Variants in VPS39 observed in about 807,000 individuals in gnomAD.
The protein encoded by VPS39 is VPS39 subunit of HOPS complex, also known as vam6/Vps39-like protein.
In VPS39, 70 loss-of-function variants were observed where a neutral mutation model predicts 121.0. The ratio of observed to expected loss-of-function variants is 0.58; its 90% CI spans 0.48 to 0.71. The LOEUF (loss-of-function observed/expected upper bound fraction) is 0.71, where lower values mean the gene tolerates loss of function less well. Ranked by LOEUF, VPS39 falls within the 30% of genes least tolerant of loss-of-function variation. VPS39 has a pLI of 0.00. For synonymous variants in VPS39, 378 were observed against 398.1 expected (o/e 0.95, Z 0.60); for missense variants, 818 against 1,051.5 (o/e 0.78, Z 3.07).
In VPS39 at chr15:42,178,311, A is replaced by G. The variant is rs759318510; in HGVS notation, c.867T>C (p.Asn289=). 6.2e-7 allele frequency: 1 copy of G among 1,614,192 alleles called. No homozygotes were observed. Among genetic ancestry groups the G allele is most frequent in the African/African-American group, 1.3e-5 (1 of 75,040 alleles). The stretch of plus-strand genomic sequence containing the variant: ...CAGGGATGAGTCTCCAAACAAAATG[A>G]TTGCTGGCCACATAGATAATGTTTG... The part of the protein sequence containing the change: ...GGSNIIYVAS[N]HFVWRLIPVP... The change falls in exon 10 of 25, where the codon AAT becomes AAC. Residue 289 remains asparagine, a synonymous_variant. Coordinates refer to ENST00000318006, the MANE Select transcript of VPS39 (RefSeq NM_015289.5).
intron 1 of VPS39, among the ~76,000 whole-genome samples, chr15:42,201,708 T>A (rs1372550532): frequency 2.6e-5 from 4 of 152,142 alleles, no homozygotes; most frequent in African/African-American, 9.7e-5. Flanking sequence ...AAAAAGAGGC[T>A]CAGAAAGAGT....
chr15:42,174,209 T>G (rs1318265833), intron 10 of VPS39, among the ~76,000 whole-genome samples: 1 of 151,880 alleles, frequency 6.6e-6, no homozygotes, highest in Admixed American at 6.6e-5. Flanking sequence ...ATCATGCCAC[T>G]GCACTCCAGC....
chr15:42,164,641 T>A, intron 18 of VPS39, 155 bp from the exon 19 acceptor site: 2 of 1,441,354 alleles, frequency 1.4e-6, no homozygotes, highest in Non-Finnish European at 1.8e-6. Flanking sequence ...TAGTTCATAG[T>A]CTCCATGTGG....
chr15:42,208,029 C>T (rs1450343151), intron 1 of VPS39, 52 bp downstream of exon 1: 5 of 1,545,986 alleles, frequency 3.2e-6, no homozygotes, highest in East Asian at 2.4e-5. Flanking sequence ...CAGAAAAGAT[C>T]CGGACCGCTC....
At chr15:42,202,841 G>C (rs989436800) in intron 1 of VPS39, among the ~76,000 whole-genome samples, 1 of 152,022 alleles carries the variant, frequency 6.6e-6, no homozygotes, top group African/African-American at 2.4e-5. Context: ...GCATTCTCTC[G>C]CATTTGCTGT....
chr15:42,191,137 C>T lies in VPS39; in HGVS notation c.235G>A (p.Val79Ile). ...IHVVSQFKIL[V>I]SLLENNIYVH... The stretch of plus-strand genomic sequence containing the variant: ...CTCCTTTTCTTACCTAACAAGCTGA[C>T]CAGAATCTTAAACTGGGAAACCACA... The change falls in exon 4 of 25, where the codon GTC (valine) becomes ATC (isoleucine). Residue 79 changes from valine (V) to isoleucine (I), a missense_variant. Physicochemically the swap from Val to Ile is conservative, Grantham distance 29. Coordinates refer to ENST00000318006, the MANE Select transcript of VPS39 (RefSeq NM_015289.5). The T allele has an allele frequency of 6.2e-7, 1 of 1,614,060 alleles. No individual in the cohort carries two copies. Among genetic ancestry groups the T allele is most frequent in the Non-Finnish European group, 8.5e-7 (1 of 1,179,972 alleles).
chr15:42,166,914 C>G lies in VPS39; in HGVS notation c.1378-1G>C. 1.2e-6 allele frequency: 2 copies of G among 1,614,182 alleles called. No individual in the cohort carries two copies. The highest frequency in any genetic ancestry group is 1.7e-6 in the Non-Finnish European group (2 of 1,180,038). On this transcript the variant is annotated splice_acceptor_variant, in intron 13 of 24. Transcript: ENST00000318006. LOFTEE classifies it high-confidence loss of function. ...AGGGGGCCACCAGGGCCACATTTGT[C>G]TGCAGAAAGAGCAGGAGTTCAGTGG...
chr15:42,170,105 A>T (rs1357812862), intron 11 of VPS39, among the ~76,000 whole-genome samples: 1 of 152,200 alleles, frequency 6.6e-6, no homozygotes, highest in Non-Finnish European at 1.5e-5. Context: ...ACACACACAT[A>T]ATTAGAATTG....
chr15:42,165,558 G>C, intron 17 of VPS39, 160 bp downstream of exon 17: 1 of 576,868 alleles, frequency 1.7e-6, no homozygotes, highest in East Asian at 2.9e-5. Context: ...TTTCCAGCTT[G>C]GTCTACTGGG....
In VPS39 at chr15:42,178,569, C is replaced by A. The variant is rs2049507133; in HGVS notation, c.720G>T (p.Glu240Asp). 3.1e-6 allele frequency: 5 copies of A among 1,614,102 alleles called. No homozygotes were observed. Among genetic ancestry groups the A allele is most frequent in the Non-Finnish European group, 4.2e-6 (5 of 1,180,014 alleles). Residue 240 changes from glutamate (E) to aspartate (D), a missense_variant and splice_region_variant, in exon 9 of 25, where the codon GAG (glutamate) becomes GAT (aspartate). Transcript: ENST00000318006. Reference sequence around the variant, plus strand: ...CTGCAATGATGTAGGGAGGCTGGTGCTCTGTGAAAGAGAACATACACAGCA... The same window carrying A: ...CTGCAATGATGTAGGGAGGCTGGTGATCTGTGAAAGAGAACATACACAGCA... Reference protein sequence around the residue: ...LNWTDIPVAMEHQPPYIIAVL... With the variant: ...LNWTDIPVAMDHQPPYIIAVL...
At chr15:42,164,522 T>TG in intron 18 of VPS39, 36 bp from the exon 19 acceptor site, 1 of 1,611,434 alleles carries the variant, frequency 6.2e-7, no homozygotes, top group Non-Finnish European at 8.5e-7. Flanking sequence ...GAAAGGACAC[T>TG]GCCAGGTGGC....
At position 42,173,831 on chromosome 15, in the gene VPS39, T is replaced by G. The variant is rs774631290; in HGVS notation, c.982A>C (p.Ser328Arg). The G allele has an allele frequency of 1.2e-6, 2 of 1,614,212 alleles. No homozygotes were observed. The highest frequency in any genetic ancestry group is 8.5e-7 in the Non-Finnish European group (1 of 1,180,010). Residue 328 changes from serine (S) to arginine (R), a missense_variant, in exon 11 of 25, where the codon AGT (serine) becomes CGT (arginine). Physicochemically the swap from Ser to Arg is moderately radical, Grantham distance 110. Transcript: ENST00000318006. ...QLAEMKDDSD[S>R]EKQQQIHHIK... ...TGATGAATTTGTTGCTGCTTTTCAC[T>G]GTCAGAATCATCTTTCATTTCCTAA...
chr15:42,189,088 C>A (rs2049766639), intron 5 of VPS39, 26 bp downstream of exon 5: 1 of 1,577,742 alleles, frequency 6.3e-7, no homozygotes, highest in Admixed American at 1.7e-5. Context: ...AAGCATAAAG[C>A]CAAATTTCAT....
intron 10 of VPS39, among the ~76,000 whole-genome samples, chr15:42,174,486 G>A (rs926744279): frequency 2.6e-5 from 4 of 152,184 alleles, no homozygotes; most frequent in African/African-American, 9.7e-5. Flanking sequence ...AATGCAATCT[G>A]ATTTCTGGAT....
intron 4 of VPS39, 50 bp downstream of exon 4, chr15:42,191,075 C>G (rs1352905277): frequency 6.3e-7 from 1 of 1,593,026 alleles, no homozygotes; most frequent in Non-Finnish European, 8.6e-7. Context: ...TTAATTAGGT[C>G]ATATCTTTTC....
At chr15:42,197,933 C>A (rs1249266168) in intron 2 of VPS39, among the ~76,000 whole-genome samples, 1 of 152,134 alleles carries the variant, frequency 6.6e-6, no homozygotes, top group Non-Finnish European at 1.5e-5. Flanking sequence ...AACTGTTCAC[C>A]AAGAGTATAG....
At chr15:42,183,620 T>C (rs670329) in intron 8 of VPS39, among the ~76,000 whole-genome samples, 6,309 of 152,272 alleles carry the variant, frequency 0.041, 309 homozygotes, top group Admixed American at 0.099. Context: ...ATGGAAATTT[T>C]TCTTCAAGCC....
intron 1 of VPS39, among the ~76,000 whole-genome samples, chr15:42,204,315 C>T (rs1021065904): frequency 6.6e-6 from 1 of 152,212 alleles, no homozygotes; most frequent in Non-Finnish European, 1.5e-5. Flanking sequence ...GATTCAGATT[C>T]AATGGCTTTG....
In VPS39 at chr15:42,160,146, C is replaced by G. The variant is rs2049100374; in HGVS notation, c.*608G>C. The G allele has an allele frequency of 6.5e-6, 1 of 152,814 alleles. No individual in the cohort carries two copies. The highest frequency in any genetic ancestry group is 2.4e-5 in the African/African-American group (1 of 41,442). 9.5% of individuals were successfully genotyped at this position (152,814 alleles called of 1,614,324 possible). ...CTTAAATATTAGTTATTCCCAGAGT[C>G]AGGGAAGTGGGAGAGAAAGCCTGGG... On this transcript the variant is annotated 3_prime_UTR_variant, in exon 25 of 25. Coordinates refer to ENST00000318006, the MANE Select transcript of VPS39 (RefSeq NM_015289.5).
Sources: allele counts gnomAD v4.1 joint callset (sites outside exome capture counted in the v4.1 genomes callset), GRCh38; gene constraint gnomAD v4.1.1; transcripts MANE v1.5; gene names NCBI Gene and HGNC (gene_info 2026-07-23, HGNC 2026-07-21).